TMEM266: variants seen among roughly 807,000 people sequenced by gnomAD.
TMEM266 encodes Hv1 related protein 1.
Under a neutral mutation model 50.5 loss-of-function variants are expected in TMEM266, and 33 were observed. That is an observed-to-expected ratio of 0.65 (90% CI 0.50 to 0.87). TMEM266 has a LOEUF of 0.87. TMEM266 is among the 40% of genes least tolerant of loss of function. TMEM266 has a pLI of 0.00. For missense variants in TMEM266, 655 were observed against 695.1 expected, an observed-to-expected ratio of 0.94 and a Z score of 0.65; for synonymous variants, 310 against 292.3, an observed-to-expected ratio of 1.06 and a Z score of -0.62.
intron 1 of TMEM266, among the ~76,000 whole-genome samples, chr15:76,097,014 C>T (rs959782320): frequency 3.5e-4 from 52 of 149,896 alleles, no homozygotes; most frequent in African/African-American, 9.3e-4. Context: ...TGTCTTTGCA[C>T]GTGAGATGGG....
intron 5 of TMEM266, 112 bp from the exon 6 acceptor site, chr15:76,169,704 G>C: frequency 8.2e-7 from 1 of 1,221,550 alleles, no homozygotes; most frequent in Non-Finnish European, 1.2e-6. Flanking sequence ...GGATGGCGGA[G>C]ACCTTTTCCT....
At chr15:76,175,842 A>G (rs573672151) in intron 8 of TMEM266, 168 bp downstream of exon 8, 1 of 573,112 alleles carries the variant, frequency 1.7e-6, no homozygotes. Context: ...ACACATCTCC[A>G]GGTTCACTGA....
chr15:76,168,678 G>A lies in TMEM266; in HGVS notation c.457-1138G>A, dbSNP rs1240723334. Among the ~76,000 whole-genome samples, 1 of 152,214 alleles carries A rather than the reference G, an allele frequency of 6.6e-6. No individual in the cohort carries two copies. Among genetic ancestry groups the A allele is most frequent in the Non-Finnish European group, 1.5e-5 (1 of 68,036 alleles). ...GTTCATCTGTCCACAGTGCATAATC[G>A]CCTGGTGGCTACTGTATGCCAGGTG... is the stretch of plus-strand genomic sequence containing the variant. On this transcript the variant is annotated intron_variant, in intron 5 of 10. Coordinates refer to ENST00000388942, the MANE Select transcript of TMEM266 (RefSeq NM_152335.3). This position sits in a 1 kb window ranked among gnomAD's most constrained non-coding sequence, Gnocchi z 4.4.
chr15:76,174,462 A>T (rs2142063641), intron 7 of TMEM266, among the ~76,000 whole-genome samples: 1 of 152,174 alleles, frequency 6.6e-6, no homozygotes, highest in Admixed American at 6.5e-5. Context: ...GAGGCTGGAG[A>T]ATCACTTGAA....
intron 1 of TMEM266, among the ~76,000 whole-genome samples, chr15:76,070,471 T>C (rs568919418): frequency 6.6e-6 from 1 of 152,304 alleles, no homozygotes; most frequent in South Asian, 2.1e-4. Flanking sequence ...GGAATTGAAA[T>C]GGGGGCTGTG....
Position 76,177,934 on chromosome 15 carries a change from A to T in TMEM266, c.768+2260A>T, listed in dbSNP as rs142881174. 4.0e-3 allele frequency among the ~76,000 whole-genome samples: 617 copies of T among 152,362 alleles called. 6 individuals carry two copies. The highest frequency in any genetic ancestry group is 5.8e-3 in the Non-Finnish European group (397 of 68,034). On this transcript the variant is annotated intron_variant, in intron 8 of 10. Transcript: ENST00000388942. The stretch of plus-strand genomic sequence containing the variant: ...GGGCACGTCCCGGGCTCTGCAGGCC[A>T]GGATGGGGAAGGCTTTCCAGAGGAG...
intron 9 of TMEM266, among the ~76,000 whole-genome samples, chr15:76,194,113 C>T (rs1390318144): frequency 6.6e-6 from 1 of 152,236 alleles, no homozygotes; most frequent in Non-Finnish European, 1.5e-5. Flanking sequence ...GCTGACCCAG[C>T]CTCACGTGCT....
intron 9 of TMEM266, among the ~76,000 whole-genome samples, chr15:76,193,001 G>A (rs1304703887): frequency 1.3e-5 from 2 of 152,244 alleles, no homozygotes; most frequent in African/African-American, 2.4e-5. Context: ...CCCCTGCAGG[G>A]CAGTGAGGAC....
chr15:76,118,230 T>A (rs1255878079), intron 1 of TMEM266, among the ~76,000 whole-genome samples: 2 of 152,198 alleles, frequency 1.3e-5, no homozygotes, highest in Non-Finnish European at 2.9e-5. Context: ...CAGTCATTAT[T>A]TACATCATAC....
intron 7 of TMEM266, 36 bp from the exon 8 acceptor site, chr15:76,175,523 T>G (rs957993029): frequency 1.9e-6 from 3 of 1,566,298 alleles, no homozygotes; most frequent in Non-Finnish European, 2.6e-6. Context: ...GCCCTGCCAC[T>G]GCTGAATTCT....
intron 1 of TMEM266, among the ~76,000 whole-genome samples, chr15:76,063,017 A>G (rs956819405): frequency 1.3e-5 from 2 of 152,220 alleles, no homozygotes; most frequent in Admixed American, 6.5e-5. Flanking sequence ...TCGACCTTGT[A>G]AGCTACTTCA....
At chr15:76,158,479 C>G (rs1056035064) in intron 4 of TMEM266, among the ~76,000 whole-genome samples, 1 of 152,162 alleles carries the variant, frequency 6.6e-6, no homozygotes, top group Non-Finnish European at 1.5e-5. Context: ...CCTCGGGGCC[C>G]TCGGCTGCTC....
intron 1 of TMEM266, among the ~76,000 whole-genome samples, chr15:76,104,991 G>A (rs1046884381): frequency 5.4e-4 from 82 of 152,218 alleles, no homozygotes; most frequent in African/African-American, 1.8e-3. Context: ...AAGCTGAGGC[G>A]GGTGGATCAC....
chr15:76,167,689 A>G (rs1021054345), intron 5 of TMEM266, among the ~76,000 whole-genome samples: 1 of 151,790 alleles, frequency 6.6e-6, no homozygotes, highest in African/African-American at 2.4e-5. Context: ...TTTAGTAGAG[A>G]TGAGGTTTCA....
intron 9 of TMEM266, among the ~76,000 whole-genome samples, chr15:76,194,935 GC>G (rs1383314901): frequency 1.3e-5 from 2 of 152,156 alleles, no homozygotes; most frequent in Non-Finnish European, 2.9e-5. Context: ...TTAAGAGGGG[GC>G]AGGCACATAA....
chr15:76,181,170 AG>A (rs2038398283), intron 8 of TMEM266: 1 of 152,276 alleles, frequency 6.6e-6, no homozygotes, highest in African/African-American at 2.4e-5. Flanking sequence ...GCTCAGAGAA[AG>A]GGAGAGGTGG....
At chr15:76,154,984 G>A (rs1001954697) in intron 3 of TMEM266, among the ~76,000 whole-genome samples, 2 of 152,216 alleles carry the variant, frequency 1.3e-5, no homozygotes, top group Non-Finnish European at 2.9e-5. Context: ...CGGACCATCA[G>A]ATATTTTATC....
At chr15:76,173,779 A>G (rs549388964) in intron 7 of TMEM266, among the ~76,000 whole-genome samples, 150 of 151,928 alleles carry the variant, frequency 9.9e-4, no homozygotes, top group Non-Finnish European at 1.2e-3. Context: ...CTAAAAATAT[A>G]AAAATTAGCT....
intron 1 of TMEM266, among the ~76,000 whole-genome samples, chr15:76,127,833 TAGATC>T (rs2142024385): frequency 6.6e-6 from 1 of 152,296 alleles, no homozygotes; most frequent in East Asian, 1.9e-4. Context: ...TCTGATTCAG[TAGATC>T]AGAGTGTGGT....
Sources: gnomAD v4.1 joint callset for allele counts (sites outside exome capture counted in the v4.1 genomes callset) on GRCh38, gnomAD v4.1.1 for gene constraint, Gnocchi (gnomAD v3.1) non-coding constraint, MANE v1.5 for transcripts, NCBI Gene and HGNC (gene_info 2026-07-23, HGNC 2026-07-21) for gene names.